Variants in MAST4 observed in about 807,000 individuals in gnomAD.
The protein encoded by MAST4 is microtubule-associated serine/threonine-protein kinase 4.
In MAST4, 89 loss-of-function variants were observed where a neutral mutation model predicts 162.7. The ratio of observed to expected loss-of-function variants is 0.55; its 90% CI spans 0.46 to 0.65. The LOEUF is 0.65. Ranked by LOEUF, MAST4 falls within the 30% of genes least tolerant of loss-of-function variation. MAST4 has a pLI of 0.00. For missense variants in MAST4, 3,153 were observed against 3,374.0 expected, an observed-to-expected ratio of 0.93 and a Z score of 1.62; for synonymous variants, 1,479 against 1,361.1, an observed-to-expected ratio of 1.09 and a Z score of -1.91.
At chr5:66,683,070 G>T (rs1480206463) in intron 1 of MAST4, among the ~76,000 whole-genome samples, 2 of 152,166 alleles carry the variant, frequency 1.3e-5, no homozygotes, top group Non-Finnish European at 2.9e-5. Flanking sequence ...CCCTCCATCA[G>T]GAACAAGACC....
chr5:67,052,861 G>C (rs1391004053), intron 4 of MAST4, among the ~76,000 whole-genome samples: 3 of 152,094 alleles, frequency 2.0e-5, no homozygotes, highest in Admixed American at 2.0e-4. Flanking sequence ...ACATCAGCAA[G>C]TTAATATATT....
intron 1 of MAST4, among the ~76,000 whole-genome samples, chr5:66,713,477 G>A (rs1431251984): frequency 6.6e-6 from 1 of 152,188 alleles, no homozygotes; most frequent in Non-Finnish European, 1.5e-5. Flanking sequence ...CCTGGCTTAT[G>A]TTGAGTATCA....
intron 4 of MAST4, among the ~76,000 whole-genome samples, chr5:66,981,625 C>A (rs986190761): frequency 2.0e-5 from 3 of 152,188 alleles, no homozygotes; most frequent in African/African-American, 7.2e-5. Flanking sequence ...TAAAAACATC[C>A]TTAGTTTGTT....
intron 1 of MAST4, among the ~76,000 whole-genome samples, chr5:66,628,635 G>C (rs1300025714): frequency 6.6e-6 from 1 of 152,110 alleles, no homozygotes; most frequent in East Asian, 1.9e-4. Flanking sequence ...ATTAAAGGTA[G>C]AGGGGCGGGG....
At chr5:66,984,186 G>A (rs1215881173) in intron 4 of MAST4, among the ~76,000 whole-genome samples, 6 of 152,148 alleles carry the variant, frequency 3.9e-5, no homozygotes, top group Non-Finnish European at 7.3e-5. Flanking sequence ...AGTAAAACAG[G>A]GGAGTCCATG....
At chr5:67,073,209 C>T (rs1190988709) in intron 5 of MAST4, among the ~76,000 whole-genome samples, 1 of 151,772 alleles carries the variant, frequency 6.6e-6, no homozygotes, top group Non-Finnish European at 1.5e-5. Context: ...AGAGCAGGTC[C>T]AGCTCCTGCT....
chr5:66,730,591 C>T (rs1751782926), intron 1 of MAST4, among the ~76,000 whole-genome samples: 1 of 152,188 alleles, frequency 6.6e-6, no homozygotes, highest in South Asian at 2.1e-4. Context: ...GTAATTTAAA[C>T]AGATTCTGAA....
Position 66,696,572 on chromosome 5 carries a change from C to T in MAST4, c.364-63137C>T, listed in dbSNP as rs542005110. ...TCAACATTCTGACCGCTCTGGTGCT[C>T]GGCTTCCTCAGTCCAACTATGTTTT... On this transcript the variant is annotated intron_variant, in intron 1 of 28. Coordinates refer to ENST00000403625, the MANE Select transcript of MAST4 (RefSeq NM_001164664.2). 3.9e-5 allele frequency among the ~76,000 whole-genome samples: 6 copies of T among 152,228 alleles called. No homozygotes were observed. The East Asian group carries it at 5.8e-4, about 15-fold the overall frequency.
chr5:67,112,173 G>T (rs1766320890), intron 11 of MAST4, among the ~76,000 whole-genome samples: 1 of 152,026 alleles, frequency 6.6e-6, no homozygotes, highest in Non-Finnish European at 1.5e-5. Context: ...AAATATATCT[G>T]AAATTAATAA....
At chr5:67,084,496 CTTAATAA>C (rs1763026668) in intron 5 of MAST4, among the ~76,000 whole-genome samples, 1 of 152,084 alleles carries the variant, frequency 6.6e-6, no homozygotes, top group East Asian at 1.9e-4. Context: ...ATAACAAGAA[CTTAATAA>C]TTATTAAAGT....
chr5:67,041,440 C>G (rs76768646), intron 4 of MAST4, among the ~76,000 whole-genome samples: 2,480 of 152,212 alleles, frequency 0.016, 45 homozygotes, highest in African/African-American at 0.044. Flanking sequence ...AACGAATATG[C>G]CTGAGAGAAT....
chr5:66,641,022 C>G (rs1012871838), intron 1 of MAST4, among the ~76,000 whole-genome samples: 31 of 152,134 alleles, frequency 2.0e-4, no homozygotes, highest in African/African-American at 7.5e-4. Context: ...AGACATGTCT[C>G]TTTAGGTCCT....
chr5:67,065,814 T>C lies in MAST4; in HGVS notation c.763+11322T>C, dbSNP rs189284066. ...AGATTTTAAAAACTGACTACAGCAA[T>C]GTATGAGTACTTCTCTACAAAAGCC... is the stretch of plus-strand genomic sequence containing the variant. On this transcript the variant is annotated intron_variant, in intron 5 of 28. Coordinates refer to ENST00000403625, the MANE Select transcript of MAST4 (RefSeq NM_001164664.2). 3.6e-4 allele frequency among the ~76,000 whole-genome samples: 55 copies of C among 152,372 alleles called. No homozygotes were observed. The East Asian group carries it at 0.01, about 28-fold the overall frequency.
chr5:66,914,010 TTGA>T (rs1189322719), intron 4 of MAST4, among the ~76,000 whole-genome samples: 1 of 152,220 alleles, frequency 6.6e-6, no homozygotes, highest in Non-Finnish European at 1.5e-5. Context: ...ATCTACTGTC[TTGA>T]TTATTATAGC....
rs1284502754 is a variant in MAST4 at position 67,167,169 on chromosome 5, A to G, written c.*118A>G. The stretch of plus-strand genomic sequence containing the variant: ...TCCGCCAGGCAGAGCTCGGAGCCTC[A>G]TTGAGACAGGGGAGAGAGAAAGACA... On this transcript the variant is annotated 3_prime_UTR_variant, in exon 29 of 29. Coordinates refer to ENST00000403625, the MANE Select transcript of MAST4 (RefSeq NM_001164664.2). 3.8e-6 allele frequency: 3 copies of G among 793,210 alleles called. No homozygotes were observed. Among genetic ancestry groups the G allele is most frequent in the Middle Eastern group, 4.1e-4 (1 of 2,448 alleles). The allele number at this position is 793,210 out of a possible 1,614,324, so 49.1% of individuals were successfully genotyped here. A position where few individuals can be genotyped will look rare whatever the true frequency, so the allele number is the denominator to read the frequency against.
At chr5:67,134,475 A>C (rs1769378304) in intron 17 of MAST4, 48 bp from the exon 18 acceptor site, 2 of 1,554,370 alleles carry the variant, frequency 1.3e-6, no homozygotes, top group African/African-American at 2.7e-5. Context: ...GCTCATTTTA[A>C]TTCATGTCTA....
intron 13 of MAST4, 47 bp from the exon 14 acceptor site, chr5:67,120,970 T>G (rs755056185): frequency 4.5e-6 from 6 of 1,326,744 alleles, no homozygotes; most frequent in Non-Finnish European, 4.2e-6. Flanking sequence ...ATAAAATAAT[T>G]TTCTTAAATC....
intron 1 of MAST4, among the ~76,000 whole-genome samples, chr5:66,612,088 T>C (rs1301478667): frequency 6.6e-6 from 1 of 152,208 alleles, no homozygotes; most frequent in Admixed American, 6.5e-5. Context: ...AGGTTTTATG[T>C]GTATGGCTTG....
At chr5:66,853,758 T>G (rs1759478569) in intron 3 of MAST4, among the ~76,000 whole-genome samples, 1 of 152,220 alleles carries the variant, frequency 6.6e-6, no homozygotes, top group East Asian at 1.9e-4. Context: ...AAGACCTAAT[T>G]CCTGCAAGGA....
Sources: gnomAD v4.1 joint callset for allele counts (sites outside exome capture counted in the v4.1 genomes callset) on GRCh38, gnomAD v4.1.1 for gene constraint, MANE v1.5 for transcripts, NCBI Gene and HGNC (gene_info 2026-07-23, HGNC 2026-07-21) for gene names.